Variants in LMBR1 observed in about 807,000 individuals in gnomAD.
LMBR1 encodes limb region 1 protein homolog.
In LMBR1, 52 loss-of-function variants were observed where a neutral mutation model predicts 73.9. That is an observed-to-expected ratio of 0.70 (90% CI 0.56 to 0.89). The LOEUF (loss-of-function observed/expected upper bound fraction) is 0.89. LMBR1 is among the 40% of genes least tolerant of loss of function. The pLI, the probability that LMBR1 is intolerant of heterozygous loss-of-function variation, is 0.00. For synonymous variants in LMBR1, 215 were observed against 209.4 expected, an observed-to-expected ratio of 1.03 and a Z score of -0.23; for missense variants, 539 against 579.8, an observed-to-expected ratio of 0.93 and a Z score of 0.72.
At chr7:156,777,809 A>G (rs150337207) in intron 5 of LMBR1, among the ~76,000 whole-genome samples, 2,385 of 152,264 alleles carry the variant, frequency 0.016, 122 homozygotes, top group Admixed American at 0.11. Flanking sequence ...CTCCTTCAAT[A>G]TCACATACCT....
chr7:156,685,273 A>T lies in LMBR1; in HGVS notation c.1388-1110T>A, dbSNP rs1805756192. 6.6e-6 allele frequency among the ~76,000 whole-genome samples: 1 copy of T among 152,210 alleles called. No homozygotes were observed. Among genetic ancestry groups the T allele is most frequent in the African/African-American group, 2.4e-5 (1 of 41,456 alleles). On this transcript the variant is annotated intron_variant, in intron 16 of 16. Transcript: ENST00000353442. The surrounding 1 kb of genome is among the most constrained non-coding windows in gnomAD (Gnocchi z 4.1). ...TCACAGGGAGAAAGGGCAGAAGAAA[A>T]TGTAAGAGCTTCTGTGGCACTGGAG...
chr7:156,759,696 T>C (rs761901679), intron 8 of LMBR1, among the ~76,000 whole-genome samples: 2 of 152,224 alleles, frequency 1.3e-5, no homozygotes, highest in African/African-American at 2.4e-5. Context: ...GCTCGTTCCC[T>C]GGTGCTGCAA....
intron 5 of LMBR1, among the ~76,000 whole-genome samples, chr7:156,786,566 T>G (rs535639406): frequency 5.9e-5 from 9 of 152,152 alleles, no homozygotes; most frequent in Non-Finnish European, 1.3e-4. Flanking sequence ...CAAAATAGAA[T>G]AGACTATATT....
At chr7:156,842,888 A>G (rs1324095938) in intron 1 of LMBR1, among the ~76,000 whole-genome samples, 2 of 152,128 alleles carry the variant, frequency 1.3e-5, no homozygotes, top group African/African-American at 4.8e-5. Flanking sequence ...TGATGATTCT[A>G]ACAGATATCC....
chr7:156,716,159 T>C (rs1813164516), intron 15 of LMBR1, among the ~76,000 whole-genome samples: 1 of 152,178 alleles, frequency 6.6e-6, no homozygotes. Context: ...CAGGTACGTA[T>C]AATACAAGGT....
At position 156,681,273 on chromosome 7, in the gene LMBR1, C is replaced by A; in HGVS notation, c.*2805G>T. The A allele has an allele frequency of 2.4e-6, 1 of 417,302 alleles. No individual in the cohort carries two copies. Among genetic ancestry groups the A allele is most frequent in the East Asian group, 7.2e-5 (1 of 13,930 alleles). 25.8% of individuals were successfully genotyped at this position (417,302 alleles called of 1,614,324 possible). A position where few individuals can be genotyped will look rare whatever the true frequency, so the allele number is the denominator to read the frequency against. ...GCCGCACTGCCGCTGAGAGCAGGTA[C>A]ACGTGCGCCTTTAACACATCTGAGA... On this transcript the variant is annotated 3_prime_UTR_variant, in exon 17 of 17. Transcript: ENST00000353442.
chr7:156,786,416 A>G (rs943245071), intron 5 of LMBR1, among the ~76,000 whole-genome samples: 2 of 152,234 alleles, frequency 1.3e-5, no homozygotes, highest in Non-Finnish European at 2.9e-5. Flanking sequence ...GGGTAACGTT[A>G]TTGTATAAAT....
In LMBR1 at chr7:156,728,671, A is replaced by G. The variant is rs775417784; in HGVS notation, c.888T>C (p.Ala296=). The G allele has an allele frequency of 1.2e-6, 2 of 1,603,132 alleles. No individual in the cohort carries two copies. The highest frequency in any genetic ancestry group is 1.7e-6 in the Non-Finnish European group (2 of 1,177,336). ...SAWERNLVYP[A]VMVLLLIETS... ...TCTCAATAAGAAGGAGAACCATAAC[A>G]GCGGGATACACCAAATTTCTTTCCC... is the stretch of plus-strand genomic sequence containing the variant. The change falls in exon 11 of 17, where the codon GCT becomes GCC. Residue 296 remains alanine, a synonymous_variant. Transcript: ENST00000353442.
chr7:156,763,701 T>C lies in LMBR1; in HGVS notation c.518A>G (p.Asp173Gly), dbSNP rs1585635303. 6.3e-6 allele frequency: 10 copies of C among 1,596,106 alleles called. No individual in the cohort carries two copies. Among genetic ancestry groups the C allele is most frequent in the Non-Finnish European group, 8.5e-6 (10 of 1,175,402 alleles). Residue 173 changes from aspartate to glycine, a missense_variant, in exon 6 of 17, where the codon GAC becomes GGC. Coordinates refer to ENST00000353442, the MANE Select transcript of LMBR1 (RefSeq NM_022458.4). ...GIVWVASALIDNDAASMESLY... is the reference protein window; with the variant it reads ...GIVWVASALIGNDAASMESLY... The stretch of plus-strand genomic sequence containing the variant: ...AGATTCCATGCTTGCGGCATCGTTG[T>C]CAATGAGTGCTGAAGCTACCCACAC...
intron 12 of LMBR1, among the ~76,000 whole-genome samples, chr7:156,726,369 G>A (rs546020982): frequency 3.3e-5 from 5 of 152,082 alleles, no homozygotes; most frequent in African/African-American, 1.2e-4. Context: ...TACAAAGGAT[G>A]TAACTGTTAA....
intron 4 of LMBR1, among the ~76,000 whole-genome samples, chr7:156,814,074 G>C (rs1487898161): frequency 6.6e-6 from 1 of 152,114 alleles, no homozygotes; most frequent in South Asian, 2.1e-4. Flanking sequence ...GAGCAGAAGA[G>C]AACCTAAGAT....
At chr7:156,867,978 G>C (rs1170850381) in intron 1 of LMBR1, among the ~76,000 whole-genome samples, 2 of 152,102 alleles carry the variant, frequency 1.3e-5, no homozygotes, top group Non-Finnish European at 2.9e-5. Context: ...TGGGTGCCAT[G>C]GCTCATTCCT....
At chr7:156,686,931 T>C (rs1806128765) in intron 16 of LMBR1, among the ~76,000 whole-genome samples, 1 of 152,220 alleles carries the variant, frequency 6.6e-6, no homozygotes. Context: ...AAGGTATAAG[T>C]TATCTGGTGT....
At chr7:156,830,498 T>C (rs1341254563) in intron 3 of LMBR1, among the ~76,000 whole-genome samples, 1 of 152,216 alleles carries the variant, frequency 6.6e-6, no homozygotes, top group Admixed American at 6.5e-5. Context: ...AAGATGTATA[T>C]AGTGTTGATG....
chr7:156,765,319 G>C (rs1823888038), intron 5 of LMBR1, among the ~76,000 whole-genome samples: 1 of 152,142 alleles, frequency 6.6e-6, no homozygotes, highest in Non-Finnish European at 1.5e-5. Context: ...TATTGAGTGA[G>C]TTCTCATGAG....
intron 1 of LMBR1, among the ~76,000 whole-genome samples, chr7:156,863,551 A>T (rs1798025574): frequency 6.6e-6 from 1 of 152,050 alleles, no homozygotes; most frequent in African/African-American, 2.4e-5. Flanking sequence ...ATGCTAATAC[A>T]CTCGGCAAGG....
At chr7:156,832,110 T>C (rs1249747950) in intron 3 of LMBR1, among the ~76,000 whole-genome samples, 1 of 152,114 alleles carries the variant, frequency 6.6e-6, no homozygotes, top group Non-Finnish European at 1.5e-5. Flanking sequence ...AAACATCAAG[T>C]TTTGGGCCTA....
In LMBR1 at chr7:156,812,903, T is replaced by C. The variant is rs374262311; in HGVS notation, c.319+13702A>G. Among the ~76,000 whole-genome samples the C allele has an allele frequency of 7.2e-5, 11 of 152,302 alleles. No homozygotes were observed. In the East Asian group the frequency reaches 1.5e-3, roughly 21 times the overall value. ...CAGCTCCACCTGGGTTCCCCCTCTCTGTACTGCAGTGTGGAAATTCTCTCA... is the reference window on the plus strand; with the variant it reads ...CAGCTCCACCTGGGTTCCCCCTCTCCGTACTGCAGTGTGGAAATTCTCTCA... On this transcript the variant is annotated intron_variant, in intron 4 of 16. Coordinates refer to ENST00000353442, the MANE Select transcript of LMBR1 (RefSeq NM_022458.4).
chr7:156,675,842 A>G (rs371453082), downstream of LMBR1: 32 of 1,613,808 alleles, frequency 2.0e-5, no homozygotes, highest in Non-Finnish European at 2.6e-5. Flanking sequence ...CAGAAGAGGA[A>G]TGGGAGAAAA....
Sources: gnomAD v4.1 joint callset for allele counts (sites outside exome capture counted in the v4.1 genomes callset) on GRCh38, gnomAD v4.1.1 for gene constraint, Gnocchi (gnomAD v3.1) non-coding constraint, MANE v1.5 for transcripts, NCBI Gene and HGNC (gene_info 2026-07-23, HGNC 2026-07-21) for gene names.